The following ZER1 variants were observed in gnomAD, a reference collection of about 807,000 sequenced individuals.
ZER1 encodes the protein zyg-11 related cell cycle regulator.
In ZER1, 11 loss-of-function variants were observed where a neutral mutation model predicts 78.8. The ratio of observed to expected loss-of-function variants is 0.14; its 90% CI spans 0.09 to 0.23. ZER1 has a LOEUF of 0.23. ZER1 is among the 10% of genes least tolerant of loss of function. The pLI, the probability that ZER1 is intolerant of heterozygous loss-of-function variation, is 1.00. For synonymous variants in ZER1, 400 were observed against 407.0 expected (o/e 0.98, Z 0.21); for missense variants, 588 against 996.9 (o/e 0.59, Z 5.52).
At chr9:128,744,100 T>G (rs972611758) in intron 8 of ZER1, among the ~76,000 whole-genome samples, 2 of 151,828 alleles carry the variant, frequency 1.3e-5, no homozygotes. Flanking sequence ...GGTTTCACCG[T>G]CTTGGCCAGG....
intron 1 of ZER1, among the ~76,000 whole-genome samples, chr9:128,757,485 G>A (rs545731309): frequency 3.3e-5 from 5 of 151,564 alleles, no homozygotes; most frequent in Admixed American, 1.3e-4. Context: ...TTGCACCACC[G>A]CGCTCTAGCC....
At chr9:128,758,999 A>T (rs1031599305) in intron 1 of ZER1, among the ~76,000 whole-genome samples, 5 of 139,834 alleles carry the variant, frequency 3.6e-5, no homozygotes, top group Admixed American at 1.4e-4. Context: ...TTTCAAGTGA[A>T]TTTTTTTTTT....
At position 128,750,775 on chromosome 9, in the gene ZER1, G is replaced by A; in HGVS notation, c.1200C>T (p.Ala400=). The A allele has an allele frequency of 6.2e-7, 1 of 1,614,212 alleles. No individual in the cohort carries two copies. The highest frequency in any genetic ancestry group is 8.5e-7 in the Non-Finnish European group (1 of 1,180,044). ...TCCTGTCATATTTGTGGCACTTGAG[G>A]GCCGTGATGACCAGCTGTATGAAGA... The part of the protein sequence containing the change: ...LLRALKLVIT[A]LKCHKYDRNI... The change falls in exon 8 of 16, where the codon GCC becomes GCT. Residue 400 remains alanine (A), a synonymous_variant. Coordinates refer to ENST00000291900, the MANE Select transcript of ZER1 (RefSeq NM_006336.4).
In ZER1 at chr9:128,755,271, A is replaced by G. The variant is rs1863819142; in HGVS notation, c.158+137T>C. 2 of 1,255,976 alleles carry G rather than the reference A, an allele frequency of 1.6e-6. No individual in the cohort carries two copies. Among genetic ancestry groups the G allele is most frequent in the South Asian group, 2.7e-5 (2 of 74,140 alleles). The allele number at this position is 1,255,976 out of a possible 1,614,324, so 77.8% of individuals were successfully genotyped here. ...CACCACTATTCTCTTGCAGCCATGAACATCCATGTGCACACACACACACCC... is the reference window on the plus strand; with the variant it reads ...CACCACTATTCTCTTGCAGCCATGAGCATCCATGTGCACACACACACACCC... On this transcript the variant is annotated intron_variant, in intron 2 of 15. Coordinates refer to ENST00000291900, the MANE Select transcript of ZER1 (RefSeq NM_006336.4). This position sits in a 1 kb window ranked among gnomAD's most constrained non-coding sequence, Gnocchi z 5.6.
chr9:128,734,136 A>ATATATAT lies in ZER1; in HGVS notation c.2141-609_2141-608insATATATA, dbSNP rs1242979957. Among the ~76,000 whole-genome samples the ATATATAT allele has an allele frequency of 2.7e-4, 5 of 18,222 alleles. 1 individual carries two copies. The South Asian group carries it at 0.011, about 40-fold the overall frequency. The allele number at this position is 18,222 out of a possible 152,430, so 12.0% of individuals were successfully genotyped here. On this transcript the variant is annotated intron_variant, in intron 14 of 15. Transcript: ENST00000291900. ...GAGCAAAACTCCGTCTCAAAAAAAAAAAAAAAAAATATATATATATATATA... is the reference window on the plus strand; with the variant it reads ...GAGCAAAACTCCGTCTCAAAAAAAAATATATATAAAAAAAAATATATATATATATATA...
At chr9:128,763,057 C>T (rs977253190) in intron 1 of ZER1, among the ~76,000 whole-genome samples, 3 of 152,194 alleles carry the variant, frequency 2.0e-5, no homozygotes, top group Non-Finnish European at 2.9e-5. Flanking sequence ...GCCCTCGGCA[C>T]AGGTCACCTT....
At chr9:128,735,694 G>A (rs1475404672) in intron 13 of ZER1, among the ~76,000 whole-genome samples, 1 of 149,900 alleles carries the variant, frequency 6.7e-6, no homozygotes, top group Non-Finnish European at 1.5e-5. Context: ...ACCTCAGCAA[G>A]GAGCAGAGAC....
chr9:128,769,865 G>A (rs185730224), intron 1 of ZER1, among the ~76,000 whole-genome samples: 1 of 152,280 alleles, frequency 6.6e-6, no homozygotes, highest in African/African-American at 2.4e-5. Flanking sequence ...TACAAAGATG[G>A]AAGAAGGGTA....
At chr9:128,743,840 C>T (rs562761934) in intron 8 of ZER1, among the ~76,000 whole-genome samples, 12 of 151,720 alleles carry the variant, frequency 7.9e-5, no homozygotes, top group Non-Finnish European at 1.6e-4. Flanking sequence ...AAGTGATCCT[C>T]CCACCTCAGC....
intron 9 of ZER1, 69 bp downstream of exon 9, chr9:128,742,461 G>A (rs550827408): frequency 2.7e-5 from 42 of 1,571,058 alleles, no homozygotes; most frequent in Middle Eastern, 2.2e-4. Flanking sequence ...TGAGACTCTC[G>A]CTCAGGGTAG....
chr9:128,760,758 A>C (rs1219922954), intron 1 of ZER1, among the ~76,000 whole-genome samples: 1 of 150,230 alleles, frequency 6.7e-6, no homozygotes, highest in Non-Finnish European at 1.5e-5. Flanking sequence ...GCGCCACTGC[A>C]CTCCAGCCTG....
At position 128,754,698 on chromosome 9, in the gene ZER1, T is replaced by C. The variant is rs927863342; in HGVS notation, c.158+710A>G. Among the ~76,000 whole-genome samples the C allele has an allele frequency of 5.3e-5, 8 of 152,128 alleles. No individual in the cohort carries two copies. Among genetic ancestry groups the C allele is most frequent in the Non-Finnish European group, 1.2e-4 (8 of 68,004 alleles). ...CTTCTGGGAATCTTTTTCTTTTTTT[T>C]TTTTTGGTAGAGACAAGGTCTCGCT... is the stretch of plus-strand genomic sequence containing the variant. On this transcript the variant is annotated intron_variant, in intron 2 of 15. Transcript: ENST00000291900. This position sits in a 1 kb window ranked among gnomAD's most constrained non-coding sequence, Gnocchi z 4.3.
intron 1 of ZER1, among the ~76,000 whole-genome samples, chr9:128,756,287 A>T (rs1438419176): frequency 6.6e-6 from 1 of 152,182 alleles, no homozygotes; most frequent in African/African-American, 2.4e-5. Flanking sequence ...CTCTACTAAA[A>T]ATACAGAAAT....
chr9:128,765,894 CA>C (rs2132488506), intron 1 of ZER1, among the ~76,000 whole-genome samples: 1 of 152,292 alleles, frequency 6.6e-6, no homozygotes, highest in South Asian at 2.1e-4. Flanking sequence ...GATGCAGACA[CA>C]CAATAATTGG....
chr9:128,766,890 C>T (rs948390390), intron 1 of ZER1, among the ~76,000 whole-genome samples: 4 of 147,404 alleles, frequency 2.7e-5, no homozygotes, highest in South Asian at 2.1e-4. Flanking sequence ...TCCAGCTTTC[C>T]AAGCAGTTCG....
At chr9:128,758,851 G>C (rs909426022) in intron 1 of ZER1, among the ~76,000 whole-genome samples, 3 of 152,194 alleles carry the variant, frequency 2.0e-5, no homozygotes, top group African/African-American at 7.2e-5. Flanking sequence ...AGTGAGGACT[G>C]TGGTTACCCG....
rs1280100324 is a variant in ZER1 at position 128,751,271 on chromosome 9, G to A, written c.1039-3C>T. Reference sequence around the variant, plus strand: ...TCTTCGTTTTTGTCACCACTTACCTGCGGGTGGGACACGCTCAGAACAACC... The same window carrying A: ...TCTTCGTTTTTGTCACCACTTACCTACGGGTGGGACACGCTCAGAACAACC... On this transcript the variant is annotated splice_region_variant and splice_polypyrimidine_tract_variant and intron_variant, in intron 6 of 15. Transcript: ENST00000291900. This position sits in a 1 kb window ranked among gnomAD's most constrained non-coding sequence, Gnocchi z 5.4. 6 of 1,597,246 alleles carry A rather than the reference G, an allele frequency of 3.8e-6. No individual in the cohort carries two copies. The highest frequency in any genetic ancestry group is 5.1e-6 in the Non-Finnish European group (6 of 1,166,464).
intron 5 of ZER1, 60 bp downstream of exon 5, chr9:128,752,613 G>A (rs771709589): frequency 7.0e-5 from 107 of 1,524,484 alleles, no homozygotes; most frequent in African/African-American, 1.2e-4. Flanking sequence ...GAGCCACTGC[G>A]CCAGCCTAAA....
intron 1 of ZER1, among the ~76,000 whole-genome samples, chr9:128,761,447 C>G (rs1346925904): frequency 1.3e-5 from 2 of 151,660 alleles, no homozygotes; most frequent in African/African-American, 4.8e-5. Context: ...CCCCTACACC[C>G]GGCTAATTTT....
Sources: allele counts gnomAD v4.1 joint callset (sites outside exome capture counted in the v4.1 genomes callset), GRCh38; gene constraint gnomAD v4.1.1; non-coding constraint Gnocchi (gnomAD v3.1); transcripts MANE v1.5; gene names NCBI Gene and HGNC (gene_info 2026-07-23, HGNC 2026-07-21).